The following ROBO1 variants were observed in gnomAD, a reference collection of about 807,000 sequenced individuals.
ROBO1 encodes roundabout homolog 1.
A neutral mutation model predicts 195.9 loss-of-function variants in ROBO1; 149 were observed. The ratio of observed to expected loss-of-function variants is 0.76; its 90% CI spans 0.67 to 0.87. The LOEUF (loss-of-function observed/expected upper bound fraction) is 0.87, where lower values mean the gene tolerates loss of function less well. ROBO1 is among the 40% of genes least tolerant of loss of function. The pLI is 0.00. For synonymous variants in ROBO1, 816 were observed against 733.2 expected, an observed-to-expected ratio of 1.11 and a Z score of -1.82; for missense variants, 1,933 against 2,068.3, an observed-to-expected ratio of 0.93 and a Z score of 1.27.
chr3:78,743,405 C>T (rs2082579720), intron 5 of ROBO1, among the ~76,000 whole-genome samples: 1 of 152,110 alleles, frequency 6.6e-6, no homozygotes, highest in African/African-American at 2.4e-5. Context: ...CTTGGCGGCC[C>T]TTCTAACTCT....
At chr3:78,651,989 C>T in intron 18 of ROBO1, 60 bp from the exon 19 acceptor site, 2 of 1,257,128 alleles carry the variant, frequency 1.6e-6, no homozygotes, top group South Asian at 1.4e-5. Context: ...TGCACGCACT[C>T]ATTTGTGGCT....
At chr3:79,272,030 A>G (rs902248854) in intron 2 of ROBO1, among the ~76,000 whole-genome samples, 1 of 152,078 alleles carries the variant, frequency 6.6e-6, no homozygotes, top group African/African-American at 2.4e-5. Flanking sequence ...TCTAACCACT[A>G]TCAAGATGTT....
intron 14 of ROBO1, 53 bp downstream of exon 14, chr3:78,667,830 T>C: frequency 3.2e-6 from 5 of 1,541,112 alleles, no homozygotes; most frequent in Non-Finnish European, 4.4e-6. Flanking sequence ...TCAGTGCAAT[T>C]ATAACATCTA....
chr3:78,711,341 TTCCTTCC>T lies in ROBO1; in HGVS notation c.1045+3049_1045+3055del, dbSNP rs1406527817. ...TCTCTCTCTCTCCTTCCTTCCTTCCTTCCTTCCTCCTTCCTTCCTTCCTTCCTTCCTT... is the reference window on the plus strand; with the variant it reads ...TCTCTCTCTCTCCTTCCTTCCTTCCTTCCTTCCTTCCTTCCTTCCTTCCTT... On this transcript the variant is annotated intron_variant, in intron 8 of 30. Coordinates refer to ENST00000464233, the MANE Select transcript of ROBO1 (RefSeq NM_002941.4). Among the ~76,000 whole-genome samples, 139 of 109,826 alleles carry T rather than the reference TTCCTTCC, an allele frequency of 1.3e-3. 7 individuals carry two copies. Among genetic ancestry groups the T allele is most frequent in the African/African-American group, 5.6e-3 (135 of 23,982 alleles). The allele number at this position is 109,826 out of a possible 152,430, so 72.1% of individuals were successfully genotyped here. A position where few individuals can be genotyped will look rare whatever the true frequency, so the allele number is the denominator to read the frequency against.
At chr3:78,761,506 T>C (rs1393700754) in intron 4 of ROBO1, among the ~76,000 whole-genome samples, 1 of 152,216 alleles carries the variant, frequency 6.6e-6, no homozygotes, top group Admixed American at 6.5e-5. Context: ...CTACTGAACT[T>C]AGTTATAAGT....
chr3:79,747,290 A>G (rs17380709), intron 1 of ROBO1, among the ~76,000 whole-genome samples: 63,860 of 151,810 alleles, frequency 0.42, 13,650 homozygotes, highest in African/African-American at 0.47. Flanking sequence ...ATAGGATACC[A>G]GGACTCCAAC....
At chr3:79,316,698 A>C (rs2033751946) in intron 2 of ROBO1, among the ~76,000 whole-genome samples, 1 of 152,120 alleles carries the variant, frequency 6.6e-6, no homozygotes, top group African/African-American at 2.4e-5. Context: ...ATATAATATA[A>C]ATGTCAGATA....
intron 1 of ROBO1, among the ~76,000 whole-genome samples, chr3:79,728,916 A>G (rs1482526711): frequency 6.6e-6 from 1 of 152,202 alleles, no homozygotes; most frequent in Admixed American, 6.5e-5. Flanking sequence ...GAATAACATG[A>G]AATAAAGTGC....
At chr3:78,640,371 C>T (rs1017859355) in intron 21 of ROBO1, among the ~76,000 whole-genome samples, 3 of 152,110 alleles carry the variant, frequency 2.0e-5, no homozygotes, top group South Asian at 2.1e-4. Flanking sequence ...AATGTACTGG[C>T]GTATTTTTCT....
intron 2 of ROBO1, among the ~76,000 whole-genome samples, chr3:79,444,061 G>C (rs1013583134): frequency 1.3e-4 from 20 of 151,748 alleles, no homozygotes; most frequent in African/African-American, 4.1e-4. Context: ...AAATCTAAAT[G>C]ATCTTTCAGA....
intron 1 of ROBO1, among the ~76,000 whole-genome samples, chr3:79,649,701 TGAGGGTATCTCTG>T: frequency 6.6e-6 from 1 of 152,238 alleles, no homozygotes; most frequent in East Asian, 1.9e-4. Context: ...GGTATATCTC[TGAGGGTATCTCTG>T]GAGGAAATTA....
At chr3:79,625,232 C>A in intron 1 of ROBO1, among the ~76,000 whole-genome samples, 1 of 150,958 alleles carries the variant, frequency 6.6e-6, no homozygotes. Context: ...CACTAAATGC[C>A]CACATCGGAA....
chr3:79,648,786 G>A (rs1055880328), intron 1 of ROBO1, among the ~76,000 whole-genome samples: 2 of 151,868 alleles, frequency 1.3e-5, no homozygotes, highest in African/African-American at 4.8e-5. Flanking sequence ...GGACTGAAGG[G>A]AAAGAAAAAC....
intron 3 of ROBO1, among the ~76,000 whole-genome samples, chr3:79,049,681 A>G (rs898515080): frequency 5.3e-5 from 8 of 152,266 alleles, no homozygotes; most frequent in Admixed American, 2.6e-4. Context: ...GGAATCCCAT[A>G]AGACTAACAG....
At position 78,607,036 on chromosome 3, in the gene ROBO1, G is replaced by A. The variant is rs1703505800; in HGVS notation, c.4441C>T (p.Pro1481Ser). ...LRRETYTDDL[P>S]PPPVPPPAIK... ...GCAGGTGGCGGCACAGGAGGTGGTGGAAGATCTAAAAAGAAACATTAAAAA... is the reference window on the plus strand; with the variant it reads ...GCAGGTGGCGGCACAGGAGGTGGTGAAAGATCTAAAAAGAAACATTAAAAA... Residue 1481 changes from proline to serine, a missense_variant, in exon 29 of 31, where the codon CCA becomes TCA. Transcript: ENST00000464233. 1 of 1,607,184 alleles carries A rather than the reference G, an allele frequency of 6.2e-7. No homozygotes were observed. Among genetic ancestry groups the A allele is most frequent in the South Asian group, 1.1e-5 (1 of 90,752 alleles).
At chr3:79,456,661 A>C (rs74967935) in intron 2 of ROBO1, among the ~76,000 whole-genome samples, 2,170 of 152,278 alleles carry the variant, frequency 0.014, 31 homozygotes, top group Non-Finnish European at 0.024. Context: ...ATACTCATTT[A>C]GTTTTGCTTC....
At chr3:79,172,314 A>G (rs1294762438) in intron 2 of ROBO1, among the ~76,000 whole-genome samples, 1 of 152,192 alleles carries the variant, frequency 6.6e-6, no homozygotes, top group African/African-American at 2.4e-5. Context: ...CTATAAATGC[A>G]TACAAACAAA....
intron 3 of ROBO1, among the ~76,000 whole-genome samples, chr3:79,004,446 C>G (rs181058531): frequency 3.4e-4 from 52 of 152,236 alleles, no homozygotes; most frequent in Admixed American, 1.9e-3. Flanking sequence ...TAGACACAGA[C>G]TCTCGTAGTT....
At chr3:78,788,356 G>C (rs1292343333) in intron 4 of ROBO1, among the ~76,000 whole-genome samples, 1 of 143,520 alleles carries the variant, frequency 7.0e-6, no homozygotes, top group Non-Finnish European at 1.5e-5. Flanking sequence ...CTGACCTCGT[G>C]ATCCACCCGC....
Sources: gnomAD v4.1 joint callset for allele counts (sites outside exome capture counted in the v4.1 genomes callset) on GRCh38, gnomAD v4.1.1 for gene constraint, MANE v1.5 for transcripts, NCBI Gene and HGNC (gene_info 2026-07-23, HGNC 2026-07-21) for gene names.